The following SNAP47 variants were observed in gnomAD, a reference collection of about 807,000 sequenced individuals.
The protein encoded by SNAP47 is synaptosomal-associated protein 47.
In SNAP47, 20 loss-of-function variants were observed where a neutral mutation model predicts 31.4. The ratio of observed to expected loss-of-function variants is 0.64; its 90% CI spans 0.45 to 0.93. The LOEUF (loss-of-function observed/expected upper bound fraction) is 0.93, where lower values mean the gene tolerates loss of function less well. Ranked by LOEUF, SNAP47 falls within the 40% of genes least tolerant of loss-of-function variation. The probability of loss-of-function intolerance (pLI) is 0.00; values close to 1 mark genes in which losing one functional copy is unlikely to be tolerated. For missense variants in SNAP47, 492 were observed against 528.5 expected (o/e 0.93, Z 0.68); for synonymous variants, 194 against 213.4 (o/e 0.91, Z 0.79).
chr1:227,734,678 A>T, upstream of SNAP47: 1 of 1,614,122 alleles, frequency 6.2e-7, no homozygotes. Context: ...TTTGAGGTAG[A>T]GACAGCCCCT....
At position 227,780,693 on chromosome 1, in the gene SNAP47, T is replaced by G. The variant is rs780773662; in HGVS notation, c.*20T>G. On this transcript the variant is annotated 3_prime_UTR_variant, in exon 5 of 5. Coordinates refer to ENST00000617596, the MANE Select transcript of SNAP47 (RefSeq NM_053052.4). Reference sequence around the variant, plus strand: ...ACCTAGGGGCAGAACGTCCCTGCATTCCTGTCTCACCCTGCACATCCCGCT... The same window carrying G: ...ACCTAGGGGCAGAACGTCCCTGCATGCCTGTCTCACCCTGCACATCCCGCT... The G allele has an allele frequency of 2.9e-5, 46 of 1,613,744 alleles. No individual in the cohort carries two copies. Among genetic ancestry groups the G allele is most frequent in the Non-Finnish European group, 3.6e-5 (42 of 1,179,848 alleles).
intron 4 of SNAP47, chr1:227,775,643 C>T (rs1317579002): frequency 1.3e-6 from 1 of 763,470 alleles, no homozygotes; most frequent in Admixed American, 2.8e-5. Flanking sequence ...CTCAGCCTTG[C>T]CCTAATGGTG....
At position 227,755,113 on chromosome 1, in the gene SNAP47, A is replaced by G. The variant is rs138256209; in HGVS notation, c.498-3882A>G. Among the ~76,000 whole-genome samples, 93 of 152,292 alleles carry G rather than the reference A, an allele frequency of 6.1e-4. No individual in the cohort carries two copies. The East Asian group carries it at 0.013, about 22-fold the overall frequency. On this transcript the variant is annotated intron_variant, in intron 2 of 4. Transcript: ENST00000617596. The stretch of plus-strand genomic sequence containing the variant: ...GAAACACTTGCCATCTGTCATCTCT[A>G]AGTGCGGCCACCTATAAGACCTAAT...
intron 3 of SNAP47, among the ~76,000 whole-genome samples, chr1:227,765,181 A>G (rs1354734595): frequency 6.6e-6 from 1 of 152,230 alleles, no homozygotes; most frequent in Non-Finnish European, 1.5e-5. Context: ...CTTATAGACC[A>G]TCACACAGCA....
chr1:227,759,740 A>G (rs1165328321), intron 3 of SNAP47: 1 of 540,462 alleles, frequency 1.9e-6, no homozygotes, highest in Admixed American at 3.4e-5. Flanking sequence ...AGCGGTTGGT[A>G]CCATGCTTTG....
At chr1:227,779,428 A>T (rs9969994) in intron 4 of SNAP47, among the ~76,000 whole-genome samples, 101,080 of 151,954 alleles carry the variant, frequency 0.67, 34,795 homozygotes, top group African/African-American at 0.85. Flanking sequence ...AGGGCTCAGG[A>T]GTGCTGTTCC....
intron 4 of SNAP47, chr1:227,768,493 C>A: frequency 9.4e-6 from 2 of 212,820 alleles, no homozygotes; most frequent in Non-Finnish European, 1.6e-5. Flanking sequence ...AAAACCAATT[C>A]TTACTTTACG....
At chr1:227,767,134 G>T (rs371860274) in intron 4 of SNAP47, 51 bp downstream of exon 4, 20 of 1,604,184 alleles carry the variant, frequency 1.2e-5, no homozygotes, top group East Asian at 1.1e-4. Context: ...CAGTCTTCCC[G>T]CAGGCTGCTC....
Position 227,780,375 on chromosome 1 carries a change from T to C in SNAP47, c.1114-152T>C. On this transcript the variant is annotated intron_variant, in intron 4 of 4. Transcript: ENST00000617596. ...AGGCAGAGCCATGACCTGACCCTGG[T>C]GCTGGGCTGCCGGCTCCCTCCTGCT... 3 of 1,098,258 alleles carry C rather than the reference T, an allele frequency of 2.7e-6. No individual in the cohort carries two copies. The Admixed American group carries it at 6.9e-5, about 25-fold the overall frequency. 68.0% of individuals were successfully genotyped at this position (1,098,258 alleles called of 1,614,324 possible).
At chr1:227,743,090 G>C (rs1362391977) in intron 1 of SNAP47, among the ~76,000 whole-genome samples, 1 of 152,158 alleles carries the variant, frequency 6.6e-6, no homozygotes, top group Admixed American at 6.5e-5. Context: ...GCCCTCTTCT[G>C]TGTCTCCTGA....
chr1:227,780,101 C>T (rs978716478), intron 4 of SNAP47, among the ~76,000 whole-genome samples: 1 of 152,212 alleles, frequency 6.6e-6, no homozygotes, highest in Non-Finnish European at 1.5e-5. Context: ...AGACAGGTCT[C>T]ACCCAGCATA....
intron 4 of SNAP47, among the ~76,000 whole-genome samples, chr1:227,771,111 G>A (rs1185564612): frequency 6.6e-6 from 1 of 152,164 alleles, no homozygotes; most frequent in South Asian, 2.1e-4. Flanking sequence ...GAGTGAGGAG[G>A]GGTGGGGAGG....
chr1:227,764,676 C>T (rs1048632729), intron 3 of SNAP47, among the ~76,000 whole-genome samples: 7 of 152,110 alleles, frequency 4.6e-5, no homozygotes, highest in African/African-American at 1.7e-4. Flanking sequence ...GAGGCAGAGG[C>T]GGGCGAATCA....
intron 1 of SNAP47, among the ~76,000 whole-genome samples, chr1:227,744,510 GTA>G (rs1661827463): frequency 6.6e-6 from 1 of 152,052 alleles, no homozygotes; most frequent in Admixed American, 6.6e-5. Context: ...CCTTACTTTT[GTA>G]TATATTGAGC....
chr1:227,776,489 G>T (rs1280244423), intron 4 of SNAP47: 4 of 985,530 alleles, frequency 4.1e-6, no homozygotes, highest in Admixed American at 1.2e-4. Flanking sequence ...GCCCATGAAG[G>T]TTCCTGTGTG....
intron 4 of SNAP47, among the ~76,000 whole-genome samples, chr1:227,779,187 T>G (rs1179632686): frequency 6.6e-6 from 1 of 152,246 alleles, no homozygotes; most frequent in Non-Finnish European, 1.5e-5. Context: ...GAGCTGGATC[T>G]GACCAGCTGG....
Position 227,780,520 on chromosome 1 carries a change from TC to T in SNAP47, c.1114-3del. Reference sequence around the variant, plus strand: ...AGCCTCTGCTGTGATCTTGTGCTTCTCCCCAGATCCTGAGGAGGATGAAGGG... The same window carrying T: ...AGCCTCTGCTGTGATCTTGTGCTTCTCCCAGATCCTGAGGAGGATGAAGGG... On this transcript the variant is annotated splice_polypyrimidine_tract_variant and splice_region_variant and intron_variant, in intron 4 of 4. Coordinates refer to ENST00000617596, the MANE Select transcript of SNAP47 (RefSeq NM_053052.4). 1 of 1,613,856 alleles carries T rather than the reference TC, an allele frequency of 6.2e-7. No homozygotes were observed. The highest frequency in any genetic ancestry group is 1.1e-5 in the South Asian group (1 of 91,088).
chr1:227,734,605 C>G (rs911613564), upstream of SNAP47: 1 of 1,599,568 alleles, frequency 6.3e-7, no homozygotes, highest in African/African-American at 1.3e-5. Context: ...TGGGTTCACG[C>G]AGCGCTAGGG....
chr1:227,773,127 ATTTTTTTTT>A lies in SNAP47; in HGVS notation c.1113+6060_1113+6068del, dbSNP rs34140624. ...AGGTGTGCACCACCACGTCCAGCTAATTTTTTTTTTTTTTTTTTTTTTTTGTAGACATGG... is the reference window on the plus strand; with the variant it reads ...AGGTGTGCACCACCACGTCCAGCTAATTTTTTTTTTTTTTTGTAGACATGG... On this transcript the variant is annotated intron_variant, in intron 4 of 4. Transcript: ENST00000617596. Among the ~76,000 whole-genome samples, 42 of 102,370 alleles carry A rather than the reference ATTTTTTTTT, an allele frequency of 4.1e-4. 2 individuals carry two copies. The highest frequency in any genetic ancestry group is 1.4e-3 in the African/African-American group (35 of 24,266). 67.2% of individuals were successfully genotyped at this position (102,370 alleles called of 152,430 possible). A position where few individuals can be genotyped will look rare whatever the true frequency, so the allele number is the denominator to read the frequency against.
Sources: allele counts gnomAD v4.1 joint callset (sites outside exome capture counted in the v4.1 genomes callset), GRCh38; gene constraint gnomAD v4.1.1; transcripts MANE v1.5; gene names NCBI Gene and HGNC (gene_info 2026-07-23, HGNC 2026-07-21).